The following MEOX2 variants were observed in gnomAD, a reference collection of about 807,000 sequenced individuals.
MEOX2 encodes mesenchyme homeobox 2.
In MEOX2, 11 loss-of-function variants were observed where a neutral mutation model predicts 27.0. The ratio of observed to expected loss-of-function variants is 0.41; its 90% CI spans 0.26 to 0.68. The LOEUF (loss-of-function observed/expected upper bound fraction) is 0.68. Ranked by LOEUF, MEOX2 falls within the 30% of genes least tolerant of loss-of-function variation. MEOX2 has a pLI of 0.33. For missense variants in MEOX2, 436 were observed against 385.4 expected (o/e 1.13, Z -1.10); for synonymous variants, 189 against 155.4 (o/e 1.22, Z -1.61).
At chr7:15,625,282 G>A (rs1781285159) in intron 2 of MEOX2, among the ~76,000 whole-genome samples, 1 of 152,156 alleles carries the variant, frequency 6.6e-6, no homozygotes, top group African/African-American at 2.4e-5. Context: ...GTCTGATGAT[G>A]TAGACTTTGG....
chr7:15,675,218 T>G (rs1438086857), intron 1 of MEOX2, among the ~76,000 whole-genome samples: 1 of 152,142 alleles, frequency 6.6e-6, no homozygotes, highest in Non-Finnish European at 1.5e-5. Context: ...TTAAACTGTG[T>G]CAAATATATT....
At chr7:15,648,548 T>C (rs896426051) in intron 1 of MEOX2, among the ~76,000 whole-genome samples, 11 of 152,080 alleles carry the variant, frequency 7.2e-5, no homozygotes, top group Non-Finnish European at 1.0e-4. Flanking sequence ...GGGTCCTTTA[T>C]TGTTACCATT....
chr7:15,654,520 T>C (rs1191683357), intron 1 of MEOX2, among the ~76,000 whole-genome samples: 2 of 151,850 alleles, frequency 1.3e-5, no homozygotes, highest in African/African-American at 2.4e-5. Flanking sequence ...ATCATTAGTA[T>C]GTTAATTGTA....
chr7:15,613,637 T>A, intron 2 of MEOX2, among the ~76,000 whole-genome samples: 1 of 152,108 alleles, frequency 6.6e-6, no homozygotes, highest in East Asian at 1.9e-4. Context: ...GAAAACAAAT[T>A]TTTTTCATAA....
chr7:15,675,856 T>G (rs1008521010), intron 1 of MEOX2, among the ~76,000 whole-genome samples: 1 of 152,192 alleles, frequency 6.6e-6, no homozygotes, highest in Admixed American at 6.5e-5. Flanking sequence ...CTCTTCTACC[T>G]ACATCCTCCC....
In MEOX2 at chr7:15,685,852, C is replaced by G. The variant is rs747381134; in HGVS notation, c.517+34G>C. ...TCTCTCCGCCCCTTTTCCAGCCCGG[C>G]GCGCACTCTCGAGGGTGCCTGGCGC... On this transcript the variant is annotated intron_variant, in intron 1 of 2. Transcript: ENST00000262041. The G allele has an allele frequency of 2.6e-6, 4 of 1,547,270 alleles. No homozygotes were observed. The African/African-American group carries it at 4.1e-5, about 16-fold the overall frequency.
At chr7:15,649,434 G>A (rs1429772974) in intron 1 of MEOX2, among the ~76,000 whole-genome samples, 3 of 152,016 alleles carry the variant, frequency 2.0e-5, no homozygotes, top group African/African-American at 7.2e-5. Context: ...TATGGATGAT[G>A]AAAGATGGAA....
At chr7:15,639,847 G>C (rs2115369731) in intron 1 of MEOX2, among the ~76,000 whole-genome samples, 1 of 152,166 alleles carries the variant, frequency 6.6e-6, no homozygotes, top group Admixed American at 6.5e-5. Flanking sequence ...GTACCAAACT[G>C]TTTTGGTTAC....
chr7:15,622,667 G>A (rs546286029), intron 2 of MEOX2, among the ~76,000 whole-genome samples: 10 of 152,196 alleles, frequency 6.6e-5, no homozygotes, highest in African/African-American at 2.4e-4. Flanking sequence ...AGATTATATA[G>A]GGTCAAGATA....
In MEOX2 at chr7:15,671,906, ATACTAATCTC is replaced by A. The variant is rs544404441; in HGVS notation, c.517+13970_517+13979del. On this transcript the variant is annotated intron_variant, in intron 1 of 2. Transcript: ENST00000262041. ...TAATAATTGTACATCTCTATTAATA[ATACTAATCTC>A]TACTAATCTCTACTAATAATACAAA... is the stretch of plus-strand genomic sequence containing the variant. Among the ~76,000 whole-genome samples, 232 of 152,146 alleles carry A rather than the reference ATACTAATCTC, an allele frequency of 1.5e-3. 1 individual carries two copies. Among genetic ancestry groups the A allele is most frequent in the Middle Eastern group, 3.4e-3 (1 of 294 alleles).
chr7:15,613,456 C>T (rs1781066372), intron 2 of MEOX2, among the ~76,000 whole-genome samples: 1 of 151,318 alleles, frequency 6.6e-6, no homozygotes, highest in South Asian at 2.1e-4. Context: ...ATATAATTGG[C>T]ATTATTGCAT....
intron 1 of MEOX2, among the ~76,000 whole-genome samples, chr7:15,647,300 A>T (rs1264162348): frequency 6.6e-6 from 1 of 152,110 alleles, no homozygotes; most frequent in Admixed American, 6.6e-5. Flanking sequence ...TTTACCAATA[A>T]TCCAAGTTTG....
At chr7:15,642,858 A>G (rs2115371817) in intron 1 of MEOX2, among the ~76,000 whole-genome samples, 1 of 152,254 alleles carries the variant, frequency 6.6e-6, no homozygotes, top group African/African-American at 2.4e-5. Flanking sequence ...TTAGGGGGCC[A>G]AGGCTCTATA....
At chr7:15,626,701 C>G (rs781491867) in intron 2 of MEOX2, 45 bp downstream of exon 2, 1 of 1,438,088 alleles carries the variant, frequency 7.0e-7, no homozygotes, top group South Asian at 1.2e-5. Context: ...ACTGTGGACC[C>G]AGGGCAATTA....
At chr7:15,632,838 C>G (rs1420858086) in intron 1 of MEOX2, among the ~76,000 whole-genome samples, 3 of 151,806 alleles carry the variant, frequency 2.0e-5, no homozygotes. Context: ...TTGCTATAGT[C>G]CAGAGAGAAA....
intron 2 of MEOX2, among the ~76,000 whole-genome samples, chr7:15,619,730 C>A (rs778537365): frequency 2.0e-5 from 3 of 151,882 alleles, no homozygotes; most frequent in Non-Finnish European, 4.4e-5. Context: ...AGAAAGATAG[C>A]ATTTTAAAAG....
intron 1 of MEOX2, among the ~76,000 whole-genome samples, chr7:15,647,665 G>T (rs914385376): frequency 1.3e-5 from 2 of 152,062 alleles, no homozygotes; most frequent in Non-Finnish European, 2.9e-5. Context: ...CTAGATGGCT[G>T]AAACTTTATA....
chr7:15,628,467 G>C (rs4436006), intron 1 of MEOX2, among the ~76,000 whole-genome samples: 99,202 of 151,630 alleles, frequency 0.65, 32,691 homozygotes, highest in East Asian at 0.81. Flanking sequence ...CTGGTGCACT[G>C]GCACTATCTA....
In MEOX2 at chr7:15,618,949, G is replaced by T. The variant is rs909523060; in HGVS notation, c.691-6338C>A. On this transcript the variant is annotated intron_variant, in intron 2 of 2. Transcript: ENST00000262041. ...CATAAAAAATTGGAAGTGACAAAGG[G>T]ATCTGAAGTTCAAAGTCTATTCTAA... 5.3e-5 allele frequency among the ~76,000 whole-genome samples: 8 copies of T among 152,036 alleles called. No homozygotes were observed. The South Asian group carries it at 6.2e-4, about 12-fold the overall frequency.
Sources: allele counts gnomAD v4.1 joint callset (sites outside exome capture counted in the v4.1 genomes callset), GRCh38; gene constraint gnomAD v4.1.1; transcripts MANE v1.5; gene names NCBI Gene and HGNC (gene_info 2026-07-23, HGNC 2026-07-21).